IFT56: variants seen among roughly 807,000 people sequenced by gnomAD.
The protein encoded by IFT56 is intraflagellar transport 56, also known as intraflagellar transport protein 56.
chr7:139,149,816 T>C, the IFT56 span, among the ~76,000 whole-genome samples: 2 of 152,324 alleles, frequency 1.3e-5, no homozygotes, highest in Admixed American at 1.3e-4. Context: ...TTACCTCCTT[T>C]TGTTTCATTT....
chr7:139,137,791 CAG>C, the IFT56 span: 3 of 1,429,346 alleles, frequency 2.1e-6, no homozygotes, highest in East Asian at 6.9e-5. Flanking sequence ...TTTTTTTAAA[CAG>C]AGAGTTTACT....
At chr7:139,148,821 C>T in the IFT56 span, among the ~76,000 whole-genome samples, 5 of 73,082 alleles carry the variant, frequency 6.8e-5, no homozygotes, top group Non-Finnish European at 1.8e-4. Context: ...CTGGGGGGTT[C>T]GGGGGGCGGG....
At chr7:139,149,394 G>A in the IFT56 span, among the ~76,000 whole-genome samples, 1 of 150,890 alleles carries the variant, frequency 6.6e-6, no homozygotes, top group East Asian at 1.9e-4. Context: ...ATACATCCTA[G>A]ATATCTCTTT....
At chr7:139,187,560 T>C in the IFT56 span, 1 of 1,613,274 alleles carries the variant, frequency 6.2e-7, no homozygotes, top group Non-Finnish European at 8.5e-7. Flanking sequence ...AGGCAAGAAA[T>C]ACTACCTCTA....
the IFT56 span, chr7:139,187,545 T>A: frequency 1.2e-6 from 2 of 1,614,008 alleles, no homozygotes; most frequent in Non-Finnish European, 1.7e-6. Flanking sequence ...CCCAAGTAAG[T>A]AAACAGGCAA....
chr7:139,184,425 C>A, the IFT56 span, among the ~76,000 whole-genome samples: 1 of 152,070 alleles, frequency 6.6e-6, no homozygotes, highest in Admixed American at 6.5e-5. Context: ...GGACATTATA[C>A]TGAAGGAAAA....
the IFT56 span, chr7:139,178,734 C>T: frequency 7.9e-6 from 6 of 755,180 alleles, no homozygotes; most frequent in Admixed American, 1.2e-4. Context: ...AATAAGTACA[C>T]TGTGGAGAAG....
chr7:139,178,505 T>A, the IFT56 span: 2 of 1,611,874 alleles, frequency 1.2e-6, no homozygotes, highest in Non-Finnish European at 1.7e-6. Flanking sequence ...GTTCTTGGGA[T>A]GTTTTTCAGA....
the IFT56 span, chr7:139,187,473 A>G: frequency 4.3e-6 from 7 of 1,614,186 alleles, no homozygotes; most frequent in South Asian, 4.4e-5. Flanking sequence ...AACCCTGAAT[A>G]TTGGGAAGGC....
the IFT56 span, among the ~76,000 whole-genome samples, chr7:139,176,808 G>C: frequency 6.6e-6 from 1 of 152,156 alleles, no homozygotes; most frequent in Non-Finnish European, 1.5e-5. Flanking sequence ...GAGCTGTTGA[G>C]GATACAGCAG....
the IFT56 span, among the ~76,000 whole-genome samples, chr7:139,135,779 G>A: frequency 6.6e-6 from 1 of 152,138 alleles, no homozygotes; most frequent in African/African-American, 2.4e-5. Flanking sequence ...AGTTCTGACA[G>A]CATGGTCTGG....
the IFT56 span, among the ~76,000 whole-genome samples, chr7:139,184,949 G>C: frequency 8.0e-4 from 121 of 151,776 alleles, no homozygotes; most frequent in Non-Finnish European, 1.4e-3. Flanking sequence ...AGCTACTCAG[G>C]AGGCTGAGGC....
At chr7:139,152,656 A>G in the IFT56 span, among the ~76,000 whole-genome samples, 7 of 152,334 alleles carry the variant, frequency 4.6e-5, no homozygotes, top group Middle Eastern at 3.4e-3. Context: ...TCATGTTTTT[A>G]GAAAGGTCAC....
the IFT56 span, among the ~76,000 whole-genome samples, chr7:139,146,083 C>G: frequency 1.3e-5 from 2 of 151,908 alleles, no homozygotes; most frequent in African/African-American, 4.8e-5. Context: ...GTTTTATAAC[C>G]AGGCTTTTCA....
the IFT56 span, among the ~76,000 whole-genome samples, chr7:139,157,139 CTTTTTTTTTTTTTTT>C: frequency 1.2e-5 from 1 of 82,090 alleles, no homozygotes; most frequent in African/African-American, 4.0e-5. Flanking sequence ...TCTTTAATTT[CTTTTTTTTTTTTTTT>C]TTTTTTTTTG....
chr7:139,152,489 A>T, the IFT56 span, among the ~76,000 whole-genome samples: 1 of 152,252 alleles, frequency 6.6e-6, no homozygotes, highest in Non-Finnish European at 1.5e-5. Context: ...CTGTAATTAC[A>T]TTATATTTTA....
chr7:139,153,392 A>G, the IFT56 span, among the ~76,000 whole-genome samples: 5 of 151,724 alleles, frequency 3.3e-5, 1 homozygote, highest in Non-Finnish European at 5.9e-5. Context: ...CGGAGGTTGC[A>G]GTGAGCTGAG....
the IFT56 span, among the ~76,000 whole-genome samples, chr7:139,157,555 G>T: frequency 6.9e-6 from 1 of 144,438 alleles, no homozygotes; most frequent in African/African-American, 2.6e-5. Flanking sequence ...CCTAGATGGA[G>T]TGCAGTGGCT....
At chr7:139,160,153 G>A in the IFT56 span, among the ~76,000 whole-genome samples, 6 of 152,162 alleles carry the variant, frequency 3.9e-5, no homozygotes, top group Non-Finnish European at 8.8e-5. Flanking sequence ...TCCCAACTAT[G>A]AGATCAGGCA....
Sources: gnomAD v4.1 joint callset for allele counts (sites outside exome capture counted in the v4.1 genomes callset) on GRCh38, gnomAD v4.1.1 for gene constraint, MANE v1.5 for transcripts, NCBI Gene and HGNC (gene_info 2026-07-23, HGNC 2026-07-21) for gene names.